GPC6: variants seen among roughly 807,000 people sequenced by gnomAD.
The protein encoded by GPC6 is glypican-6.
Under a neutral mutation model 55.2 loss-of-function variants are expected in GPC6, and 14 were observed. The observed-to-expected ratio is 0.25, with a 90% CI of 0.17 to 0.40. The LOEUF is 0.40. Among genes scored for constraint, GPC6 ranks in the 10% least tolerant of loss-of-function variants. The pLI is 1.00. For synonymous variants in GPC6, 278 were observed against 259.6 expected (o/e 1.07, Z -0.68); for missense variants, 641 against 708.5 (o/e 0.90, Z 1.08).
intron 1 of GPC6, among the ~76,000 whole-genome samples, chr13:93,348,155 G>T (rs902683965): frequency 2.0e-5 from 3 of 152,160 alleles, no homozygotes; most frequent in African/African-American, 7.2e-5. Context: ...GCCCAAGAAG[G>T]TGAACCAAAG....
chr13:93,994,571 GA>G (rs1166870271), intron 3 of GPC6, among the ~76,000 whole-genome samples: 5 of 152,118 alleles, frequency 3.3e-5, no homozygotes, highest in African/African-American at 1.2e-4. Context: ...TAAGGCAGAG[GA>G]GATGGAAATT....
At chr13:93,300,303 T>G (rs1439540402) in intron 1 of GPC6, among the ~76,000 whole-genome samples, 2 of 152,144 alleles carry the variant, frequency 1.3e-5, no homozygotes, top group African/African-American at 4.8e-5. Context: ...GTATTAAAAT[T>G]TATTGGTTTT....
intron 4 of GPC6, among the ~76,000 whole-genome samples, chr13:94,246,758 A>G (rs1300996137): frequency 6.6e-6 from 1 of 152,084 alleles, no homozygotes; most frequent in Non-Finnish European, 1.5e-5. Flanking sequence ...TTTCATTACT[A>G]TAGCTTTGTA....
At chr13:93,545,461 A>T in intron 2 of GPC6, 40 bp downstream of exon 2, 1 of 1,531,918 alleles carries the variant, frequency 6.5e-7, no homozygotes, top group Non-Finnish European at 9.1e-7. Context: ...TTATAGGTGC[A>T]CTTTTCTATG....
intron 2 of GPC6, among the ~76,000 whole-genome samples, chr13:93,709,998 G>T (rs1364795922): frequency 6.6e-6 from 1 of 151,600 alleles, no homozygotes; most frequent in African/African-American, 2.4e-5. Context: ...CAATTACAAG[G>T]GTTTACATAG....
chr13:94,143,734 C>A (rs1473445935), intron 4 of GPC6, among the ~76,000 whole-genome samples: 1 of 151,908 alleles, frequency 6.6e-6, no homozygotes, highest in Non-Finnish European at 1.5e-5. Context: ...CAAAAAAATA[C>A]AAAAATTAGC....
Position 93,884,001 on chromosome 13 carries a change from G to T in GPC6, c.711+53456G>T, listed in dbSNP as rs1875161488. 2.6e-5 allele frequency among the ~76,000 whole-genome samples: 4 copies of T among 152,172 alleles called. No homozygotes were observed. The South Asian group carries it at 8.3e-4, about 32-fold the overall frequency. On this transcript the variant is annotated intron_variant, in intron 3 of 8. Transcript: ENST00000377047. ...GTTACATATAAAATCTGTAACAAAAGACACCGAAGTTTTTTGTCAGCTTGA... is the reference window on the plus strand; with the variant it reads ...GTTACATATAAAATCTGTAACAAAATACACCGAAGTTTTTTGTCAGCTTGA...
intron 7 of GPC6, among the ~76,000 whole-genome samples, chr13:94,391,368 C>T (rs905251753): frequency 6.6e-6 from 1 of 152,168 alleles, no homozygotes; most frequent in African/African-American, 2.4e-5. Context: ...GGTCACACTG[C>T]GGGGTCCCAG....
chr13:94,225,668 C>CATATAT (rs1355465459), intron 4 of GPC6, among the ~76,000 whole-genome samples: 78 of 97,536 alleles, frequency 8.0e-4, no homozygotes, highest in African/African-American at 2.7e-3. Context: ...GTAAAGTATA[C>CATATAT]ACATATATAT....
At chr13:93,223,590 C>T (rs11618917), upstream of GPC6, among the ~76,000 whole-genome samples, 11,302 of 151,990 alleles carry the variant, frequency 0.074, 462 homozygotes, top group South Asian at 0.11. Flanking sequence ...ACTGCAGGCA[C>T]ATACCATCAC....
chr13:94,285,548 C>G (rs1242593086), intron 4 of GPC6, among the ~76,000 whole-genome samples: 1 of 152,190 alleles, frequency 6.6e-6, no homozygotes, highest in Non-Finnish European at 1.5e-5. Context: ...GAGATGATTT[C>G]AACCCCATAA....
At chr13:93,652,196 C>T (rs1187614736) in intron 2 of GPC6, among the ~76,000 whole-genome samples, 1 of 152,084 alleles carries the variant, frequency 6.6e-6, no homozygotes, top group Admixed American at 6.5e-5. Flanking sequence ...ATAGAACTAT[C>T]TTCATATATT....
intron 4 of GPC6, among the ~76,000 whole-genome samples, chr13:94,129,582 G>T (rs1235939695): frequency 1.3e-5 from 2 of 152,064 alleles, no homozygotes; most frequent in Non-Finnish European, 2.9e-5. Flanking sequence ...TGTGTTTTTG[G>T]GTAATAGCTC....
At chr13:94,393,619 C>A (rs539205010) in intron 7 of GPC6, among the ~76,000 whole-genome samples, 8 of 152,228 alleles carry the variant, frequency 5.3e-5, no homozygotes, top group African/African-American at 1.9e-4. Flanking sequence ...GAATCATGCA[C>A]CTGAGAAGAA....
intron 7 of GPC6, among the ~76,000 whole-genome samples, chr13:94,382,912 T>C (rs902563322): frequency 6.6e-6 from 1 of 152,184 alleles, no homozygotes; most frequent in Admixed American, 6.5e-5. Flanking sequence ...TCCAGGGCTC[T>C]TTTTTTCATC....
chr13:94,374,209 T>C (rs1455239551), intron 6 of GPC6, among the ~76,000 whole-genome samples: 1 of 148,536 alleles, frequency 6.7e-6, no homozygotes, highest in Non-Finnish European at 1.5e-5. Flanking sequence ...AATTCACACA[T>C]AACAATATTA....
chr13:93,454,829 G>C (rs1259020026), intron 1 of GPC6, among the ~76,000 whole-genome samples: 1 of 152,170 alleles, frequency 6.6e-6, no homozygotes, highest in African/African-American at 2.4e-5. Flanking sequence ...GGGCGCCCTG[G>C]AGCAGGGGGT....
At chr13:94,025,729 G>T (rs1319619421) in intron 3 of GPC6, 3 of 152,126 alleles carry the variant, frequency 2.0e-5, no homozygotes, top group Non-Finnish European at 2.9e-5. Flanking sequence ...GTTGGAAAAT[G>T]AGTTTTAGAA....
rs377136800 is a variant in GPC6, at chr13:93,278,901, C to T, written c.160+51285C>T. ...ATGATGGATATGTAAATTTACTTCA[C>T]TGTAGTAACCTTTTTACTGTCTATA... On this transcript the variant is annotated intron_variant, in intron 1 of 8. Coordinates refer to ENST00000377047, the MANE Select transcript of GPC6 (RefSeq NM_005708.5). Among the ~76,000 whole-genome samples the T allele has an allele frequency of 1.7e-3, 260 of 152,214 alleles. 8 individuals are homozygous for T. In the South Asian group the frequency reaches 0.052, roughly 30 times the overall value.
Sources: allele counts gnomAD v4.1 joint callset (sites outside exome capture counted in the v4.1 genomes callset), GRCh38; gene constraint gnomAD v4.1.1; transcripts MANE v1.5; gene names NCBI Gene and HGNC (gene_info 2026-07-23, HGNC 2026-07-21).